SRGAP1: variants seen among roughly 807,000 people sequenced by gnomAD.
SRGAP1 encodes the protein SLIT-ROBO Rho GTPase-activating protein 1.
SRGAP1 carries 43 observed loss-of-function variants against 121.9 expected under a neutral mutation model. The ratio of observed to expected loss-of-function variants is 0.35; its 90% CI spans 0.28 to 0.46. The LOEUF (loss-of-function observed/expected upper bound fraction) is 0.46, where lower values mean the gene tolerates loss of function less well. SRGAP1 is among the 20% of genes least tolerant of loss of function. The pLI, the probability that SRGAP1 is intolerant of heterozygous loss-of-function variation, is 1.00. For missense variants in SRGAP1, 1,102 were observed against 1,350.9 expected, an observed-to-expected ratio of 0.82 and a Z score of 2.89; for synonymous variants, 447 against 485.4, an observed-to-expected ratio of 0.92 and a Z score of 1.04.
chr12:64,120,688 G>A (rs2036592790), intron 18 of SRGAP1, among the ~76,000 whole-genome samples: 1 of 152,020 alleles, frequency 6.6e-6, no homozygotes, highest in African/African-American at 2.4e-5. Context: ...GAGGGGAAGA[G>A]GCTTAGATTC....
At chr12:63,939,516 G>C (rs983018970) in intron 1 of SRGAP1, among the ~76,000 whole-genome samples, 1 of 152,024 alleles carries the variant, frequency 6.6e-6, no homozygotes, top group Non-Finnish European at 1.5e-5. Context: ...AGAAAAAAAG[G>C]CATCCAGGGA....
chr12:63,962,104 G>T lies in SRGAP1; in HGVS notation c.68-21843G>T, dbSNP rs529069664. Among the ~76,000 whole-genome samples the T allele has an allele frequency of 2.6e-5, 4 of 152,292 alleles. No homozygotes were observed. The South Asian group carries it at 6.2e-4, about 24-fold the overall frequency. On this transcript the variant is annotated intron_variant, in intron 1 of 21. Coordinates refer to ENST00000355086, the MANE Select transcript of SRGAP1 (RefSeq NM_020762.4). ...TGTGGTTACACTGGGTGCCCATACTGGCTGAGATTTTGCTGATGGTCATTA... is the reference window on the plus strand; with the variant it reads ...TGTGGTTACACTGGGTGCCCATACTTGCTGAGATTTTGCTGATGGTCATTA...
intron 1 of SRGAP1, among the ~76,000 whole-genome samples, chr12:63,913,898 A>G (rs1235681664): frequency 1.3e-5 from 2 of 152,100 alleles, no homozygotes; most frequent in Non-Finnish European, 2.9e-5. Flanking sequence ...AATTTTTATG[A>G]AAGTATCCAT....
intron 6 of SRGAP1, among the ~76,000 whole-genome samples, chr12:64,044,675 T>TTTTTTTTTTA: frequency 1.4e-5 from 1 of 73,542 alleles, no homozygotes. Flanking sequence ...GATGTGCCTC[T>TTTTTTTTTTA]TTTTTTTTTT....
intron 1 of SRGAP1, among the ~76,000 whole-genome samples, chr12:63,871,301 T>G (rs1372152681): frequency 6.6e-6 from 1 of 152,220 alleles, no homozygotes; most frequent in African/African-American, 2.4e-5. Context: ...CATTTTTCCT[T>G]CATTTTCATA....
intron 1 of SRGAP1, among the ~76,000 whole-genome samples, chr12:63,928,646 C>T (rs2031350326): frequency 6.6e-6 from 1 of 151,938 alleles, no homozygotes; most frequent in Non-Finnish European, 1.5e-5. Flanking sequence ...ATGATTTTTC[C>T]ATGGACTGGG....
intron 21 of SRGAP1, among the ~76,000 whole-genome samples, chr12:64,141,833 C>T (rs927117761): frequency 4.6e-5 from 7 of 151,906 alleles, no homozygotes; most frequent in Non-Finnish European, 8.8e-5. Context: ...CACCTGTGGT[C>T]CCAGCTACTC....
intron 1 of SRGAP1, among the ~76,000 whole-genome samples, chr12:63,978,231 A>G (rs928547110): frequency 6.6e-6 from 1 of 152,246 alleles, no homozygotes; most frequent in African/African-American, 2.4e-5. Context: ...TATTTCACAT[A>G]TCACATGATT....
chr12:63,952,479 C>T (rs186262271), intron 1 of SRGAP1, among the ~76,000 whole-genome samples: 5 of 152,136 alleles, frequency 3.3e-5, no homozygotes, highest in African/African-American at 7.2e-5. Flanking sequence ...TTGTGCACTG[C>T]ACTACAGCCC....
intron 6 of SRGAP1, among the ~76,000 whole-genome samples, chr12:64,062,616 A>G (rs1210081694): frequency 6.6e-6 from 1 of 151,990 alleles, no homozygotes; most frequent in Non-Finnish European, 1.5e-5. Context: ...TCCCAGGTTC[A>G]GGCAATTCTT....
intron 1 of SRGAP1, among the ~76,000 whole-genome samples, chr12:63,966,106 C>A (rs1480237311): frequency 6.6e-6 from 1 of 152,194 alleles, no homozygotes; most frequent in Non-Finnish European, 1.5e-5. Context: ...AGGCATGAGA[C>A]ACCGTGCCCA....
chr12:64,128,595 A>G (rs2036736910), intron 21 of SRGAP1, among the ~76,000 whole-genome samples: 1 of 152,212 alleles, frequency 6.6e-6, no homozygotes. Flanking sequence ...CCAGAAACAG[A>G]AAAACCTTAA....
Position 64,097,273 on chromosome 12 carries a change from C to T in SRGAP1, c.1711C>T (p.His571Tyr), listed in dbSNP as rs916475154. 41 of 1,609,852 alleles carry T rather than the reference C, an allele frequency of 2.5e-5. No homozygotes were observed. Among genetic ancestry groups the T allele is most frequent in the Non-Finnish European group, 3.3e-5 (39 of 1,179,036 alleles). The change falls in exon 15 of 22, where the codon CAT becomes TAT. Residue 571 changes from histidine (H) to tyrosine (Y), a missense_variant. Transcript: ENST00000355086. ...ENPLADDQSN[H>Y]DINSVAGVLK... Reference sequence around the variant, plus strand: ...TCCTTTGGCTGATGACCAGAGTAACCATGATATTAACTCAGTTGCTGGCGT... The same window carrying T: ...TCCTTTGGCTGATGACCAGAGTAACTATGATATTAACTCAGTTGCTGGCGT...
At chr12:64,123,156 G>A (rs555712849) in intron 18 of SRGAP1, among the ~76,000 whole-genome samples, 3 of 152,314 alleles carry the variant, frequency 2.0e-5, no homozygotes, top group Admixed American at 1.3e-4. Context: ...ATATGTGGGT[G>A]TGTTCACACA....
At chr12:63,946,881 T>A (rs1475827061) in intron 1 of SRGAP1, among the ~76,000 whole-genome samples, 1 of 152,232 alleles carries the variant, frequency 6.6e-6, no homozygotes, top group Non-Finnish European at 1.5e-5. Context: ...AATGGAATCA[T>A]ACAGTAAGTA....
intron 6 of SRGAP1, among the ~76,000 whole-genome samples, chr12:64,046,105 T>G (rs1413891613): frequency 6.6e-6 from 1 of 152,138 alleles, no homozygotes; most frequent in African/African-American, 2.4e-5. Flanking sequence ...ACAGAAGGAC[T>G]GGCATATTGA....
chr12:64,091,257 T>C lies in SRGAP1; in HGVS notation c.1437-19T>C, dbSNP rs1163802105. 5 of 1,534,750 alleles carry C rather than the reference T, an allele frequency of 3.3e-6. No individual in the cohort carries two copies. The African/African-American group carries it at 4.1e-5, about 13-fold the overall frequency. ...GTTTGATTTCTGCCATGCTCAGTAA[T>C]TATATTCCCTTCCCTTAGGCCTCCA... On this transcript the variant is annotated intron_variant, in intron 11 of 21. Coordinates refer to ENST00000355086, the MANE Select transcript of SRGAP1 (RefSeq NM_020762.4).
At chr12:63,954,535 C>T (rs749333322) in intron 1 of SRGAP1, among the ~76,000 whole-genome samples, 3 of 151,632 alleles carry the variant, frequency 2.0e-5, no homozygotes, top group African/African-American at 7.3e-5. Context: ...AAAATTAGTC[C>T]GGCGTGGTGG....
chr12:64,141,293 A>AAGAG (rs1435503300), intron 21 of SRGAP1, among the ~76,000 whole-genome samples: 28 of 151,322 alleles, frequency 1.9e-4, no homozygotes, highest in African/African-American at 6.5e-4. Context: ...AAAAAAAAGA[A>AAGAG]AAACTTGGCC....
Sources: gnomAD v4.1 joint callset for allele counts (sites outside exome capture counted in the v4.1 genomes callset) on GRCh38, gnomAD v4.1.1 for gene constraint, MANE v1.5 for transcripts, NCBI Gene and HGNC (gene_info 2026-07-23, HGNC 2026-07-21) for gene names.